GLIS3: variants seen among roughly 807,000 people sequenced by gnomAD.
GLIS3 encodes zinc finger protein GLIS3.
In GLIS3, 53 loss-of-function variants were observed where a neutral mutation model predicts 78.6. The observed-to-expected ratio is 0.67, with a 90% CI of 0.54 to 0.85. The LOEUF is 0.85. Ranked by LOEUF, GLIS3 falls within the 40% of genes least tolerant of loss-of-function variation. GLIS3 has a pLI of 0.00. For synonymous variants in GLIS3, 684 were observed against 509.9 expected (o/e 1.34, Z -4.60); for missense variants, 1,703 against 1,231.1 (o/e 1.38, Z -5.74).
chr9:3,980,648 A>C (rs1160430302), intron 4 of GLIS3, among the ~76,000 whole-genome samples: 3 of 152,160 alleles, frequency 2.0e-5, no homozygotes, highest in Non-Finnish European at 2.9e-5. Context: ...AATGTTTTTT[A>C]ATCAGAGGGC....
intron 8 of GLIS3, among the ~76,000 whole-genome samples, chr9:3,859,872 C>CAA (rs1820067348): frequency 6.6e-6 from 1 of 152,156 alleles, no homozygotes; most frequent in South Asian, 2.1e-4. Flanking sequence ...ATAACTGAGT[C>CAA]AAACACTTCC....
chr9:3,834,261 A>C (rs1818213333), intron 9 of GLIS3, among the ~76,000 whole-genome samples: 1 of 152,170 alleles, frequency 6.6e-6, no homozygotes, highest in African/African-American at 2.4e-5. Context: ...TTTCGTTTCC[A>C]AACTAGAAAG....
intron 4 of GLIS3, among the ~76,000 whole-genome samples, chr9:4,021,598 A>G (rs1379930947): frequency 6.6e-6 from 1 of 152,138 alleles, no homozygotes; most frequent in African/African-American, 2.4e-5. Context: ...CAGCTTTCCT[A>G]TTCAACAGTT....
chr9:4,259,485 G>A (rs1457831711), intron 2 of GLIS3, among the ~76,000 whole-genome samples: 2 of 152,040 alleles, frequency 1.3e-5, no homozygotes, highest in Non-Finnish European at 2.9e-5. Context: ...TAAGATGGGA[G>A]GAGTTTAAGT....
chr9:4,223,643 G>C (rs907115375), intron 2 of GLIS3, among the ~76,000 whole-genome samples: 1 of 152,162 alleles, frequency 6.6e-6, no homozygotes, highest in African/African-American at 2.4e-5. Flanking sequence ...CACTTCCCAT[G>C]AATGTGAGCA....
At chr9:4,340,124 G>T (rs548385213) in intron 2 of GLIS3, among the ~76,000 whole-genome samples, 2 of 151,704 alleles carry the variant, frequency 1.3e-5, no homozygotes, top group African/African-American at 2.4e-5. Flanking sequence ...AGAATCTCTG[G>T]ATCTATTCCC....
At chr9:4,120,227 C>T (rs1832071334) in intron 3 of GLIS3, among the ~76,000 whole-genome samples, 1 of 152,220 alleles carries the variant, frequency 6.6e-6, no homozygotes, top group Non-Finnish European at 1.5e-5. Context: ...AGGCCACAAA[C>T]ACCATTTCAT....
intron 2 of GLIS3, among the ~76,000 whole-genome samples, chr9:4,157,798 C>G (rs1028028507): frequency 4.6e-5 from 7 of 152,182 alleles, no homozygotes; most frequent in Non-Finnish European, 1.0e-4. Flanking sequence ...GATAAGCACA[C>G]AGTCCACATC....
At chr9:3,883,906 C>G (rs181166434) in intron 7 of GLIS3, among the ~76,000 whole-genome samples, 16 of 152,364 alleles carry the variant, frequency 1.1e-4, no homozygotes, top group African/African-American at 3.8e-4. Flanking sequence ...TGAGCCTTGT[C>G]TTCAGCAGAG....
At chr9:4,215,325 ATATGTG>A (rs747450133) in intron 2 of GLIS3, among the ~76,000 whole-genome samples, 4 of 45,768 alleles carry the variant, frequency 8.7e-5, no homozygotes, top group East Asian at 7.0e-4. Flanking sequence ...GTGTGTGTGC[ATATGTG>A]TGTGTGTGTG....
intron 8 of GLIS3, among the ~76,000 whole-genome samples, chr9:3,876,244 T>G (rs1821298041): frequency 6.6e-6 from 1 of 152,088 alleles, no homozygotes; most frequent in East Asian, 1.9e-4. Context: ...TCTTCAAAAC[T>G]GTCAATGTTC....
At chr9:4,394,137 G>A in the GLIS3 span, among the ~76,000 whole-genome samples, 1 of 150,888 alleles carries the variant, frequency 6.6e-6, no homozygotes, top group African/African-American at 2.4e-5. Context: ...AATTTATTTT[G>A]ACCCCCTTGA....
chr9:4,367,598 C>T, the GLIS3 span, among the ~76,000 whole-genome samples: 1 of 136,146 alleles, frequency 7.3e-6, no homozygotes, highest in African/African-American at 2.8e-5. Context: ...CATGCCACTG[C>T]ACTCCAGCCC....
intron 2 of GLIS3, chr9:4,285,717 AG>A (rs1291485186): frequency 8.4e-6 from 3 of 356,312 alleles, no homozygotes; most frequent in South Asian, 3.1e-5. Context: ...CTGTATCCGG[AG>A]GGCATGATCT....
intron 2 of GLIS3, among the ~76,000 whole-genome samples, chr9:4,339,586 T>C (rs1255878968): frequency 6.6e-6 from 1 of 150,630 alleles, no homozygotes; most frequent in Non-Finnish European, 1.5e-5. Context: ...TTCTGGTCCT[T>C]CTGTGATCCG....
the GLIS3 span, among the ~76,000 whole-genome samples, chr9:4,467,968 T>C: frequency 6.6e-6 from 1 of 152,196 alleles, no homozygotes; most frequent in African/African-American, 2.4e-5. Context: ...CTGAAATTCA[T>C]GGCATGAGAA....
At chr9:4,061,446 C>T (rs963496080) in intron 4 of GLIS3, among the ~76,000 whole-genome samples, 4 of 152,052 alleles carry the variant, frequency 2.6e-5, no homozygotes, top group African/African-American at 7.2e-5. Flanking sequence ...GCCACATTTT[C>T]TTAATCCAGT....
At chr9:4,123,509 C>A (rs1434172942) in intron 3 of GLIS3, among the ~76,000 whole-genome samples, 3 of 152,062 alleles carry the variant, frequency 2.0e-5, no homozygotes. Flanking sequence ...TGGGAAACAA[C>A]TAAGTGCCAA....
chr9:4,363,207 G>C, the GLIS3 span, among the ~76,000 whole-genome samples: 1 of 152,216 alleles, frequency 6.6e-6, no homozygotes, highest in Non-Finnish European at 1.5e-5. Context: ...TGGGTCACTT[G>C]AGGTCAGGAG....
Sources: allele counts gnomAD v4.1 joint callset (sites outside exome capture counted in the v4.1 genomes callset), GRCh38; gene constraint gnomAD v4.1.1; transcripts MANE v1.5; gene names NCBI Gene and HGNC (gene_info 2026-07-23, HGNC 2026-07-21).